Variants in CLCN3 observed in about 807,000 individuals in gnomAD.
CLCN3 encodes the protein H(+)/Cl(-) exchange transporter 3.
CLCN3 carries 16 observed loss-of-function variants against 83.4 expected under a neutral mutation model. The ratio of observed to expected loss-of-function variants is 0.19; its 90% CI spans 0.13 to 0.29. The LOEUF is 0.29. Among genes scored for constraint, CLCN3 ranks in the 10% least tolerant of loss-of-function variants. The pLI, the probability that CLCN3 is intolerant of heterozygous loss-of-function variation, is 1.00. For missense variants in CLCN3, 544 were observed against 1,006.0 expected (o/e 0.54, Z 6.21); for synonymous variants, 322 against 346.2 (o/e 0.93, Z 0.78).
At position 169,681,113 on chromosome 4, in the gene CLCN3, A is replaced by G. The variant is rs534578959; in HGVS notation, c.318+906A>G. Among the ~76,000 whole-genome samples, 54 of 152,248 alleles carry G rather than the reference A, an allele frequency of 3.5e-4. 1 individual carries two copies. The highest frequency in any genetic ancestry group is 1.2e-3 in the African/African-American group (51 of 41,546). ...GCCCAAACTGGAGTGCAGTGGTGCA[A>G]TCTTGGCTCACTGCAACCTCTGCCT... On this transcript the variant is annotated intron_variant, in intron 3 of 12. Coordinates refer to ENST00000513761, the MANE Select transcript of CLCN3 (RefSeq NM_001829.4).
intron 1 of CLCN3, among the ~76,000 whole-genome samples, chr4:169,631,226 C>A (rs1312855460): frequency 6.6e-6 from 1 of 152,088 alleles, no homozygotes; most frequent in Non-Finnish European, 1.5e-5. Flanking sequence ...TTTTCATCTG[C>A]TTGTTGGACA....
chr4:169,660,316 A>G, intron 2 of CLCN3: 1 of 1,363,928 alleles, frequency 7.3e-7, no homozygotes, highest in South Asian at 1.9e-5. Context: ...CTTTCTTTTT[A>G]AGCTAGCAAG....
At position 169,635,923 on chromosome 4, in the gene CLCN3, A is replaced by T. The variant is rs1370376925; in HGVS notation, c.-6A>T. The T allele has an allele frequency of 6.5e-7, 1 of 1,546,964 alleles. No individual in the cohort carries two copies. ...TTTTCCCCCCCACAGATAATCAGAC[A>T]GCTAAATGGAGTCTGAGCAGCTGTT... On this transcript the variant is annotated 5_prime_UTR_variant, in exon 2 of 13. Transcript: ENST00000513761.
At position 169,704,197 on chromosome 4, in the gene CLCN3, T is replaced by C; in HGVS notation, c.1750+13T>C. On this transcript the variant is annotated intron_variant, in intron 10 of 12. Coordinates refer to ENST00000513761, the MANE Select transcript of CLCN3 (RefSeq NM_001829.4). ...GCTGCATGCTTAGGTAATATGGCTG[T>C]GTCTGCCTGTGTGTGGATGTTTGCA... 1 of 1,603,356 alleles carries C rather than the reference T, an allele frequency of 6.2e-7. No individual in the cohort carries two copies. Among genetic ancestry groups the C allele is most frequent in the South Asian group, 1.1e-5 (1 of 90,520 alleles).
intron 11 of CLCN3, among the ~76,000 whole-genome samples, chr4:169,709,624 G>T (rs1183626531): frequency 1.3e-5 from 2 of 151,560 alleles, no homozygotes; most frequent in Non-Finnish European, 2.9e-5. Context: ...GGTGGAGATT[G>T]CAGTAAGCCC....
At chr4:169,656,686 A>G (rs1267887355) in intron 2 of CLCN3, among the ~76,000 whole-genome samples, 1 of 152,212 alleles carries the variant, frequency 6.6e-6, no homozygotes, top group African/African-American at 2.4e-5. Flanking sequence ...GGTTTTATTT[A>G]TAAGCATTCT....
chr4:169,644,224 T>G (rs1730505733), intron 2 of CLCN3, among the ~76,000 whole-genome samples: 1 of 152,164 alleles, frequency 6.6e-6, no homozygotes, highest in African/African-American at 2.4e-5. Flanking sequence ...TTTTGTTTTC[T>G]GCAAATTCAT....
intron 2 of CLCN3, among the ~76,000 whole-genome samples, chr4:169,665,429 A>G (rs1195916457): frequency 6.6e-6 from 1 of 152,202 alleles, no homozygotes; most frequent in Non-Finnish European, 1.5e-5. Flanking sequence ...TTATTTACCC[A>G]GTAGACATTT....
chr4:169,706,922 G>C lies in CLCN3; in HGVS notation c.1805G>C (p.Gly602Ala). The C allele has an allele frequency of 6.2e-7, 1 of 1,614,070 alleles. No individual in the cohort carries two copies. Among genetic ancestry groups the C allele is most frequent in the Non-Finnish European group, 8.5e-7 (1 of 1,179,962 alleles). Reference sequence around the variant, plus strand: ...GTGGTTATTGTTTTTGAGCTTACTGGAGGCTTGGAATATATTGTTCCCCTT... The same window carrying C: ...GTGGTTATTGTTTTTGAGCTTACTGCAGGCTTGGAATATATTGTTCCCCTT... Reference protein sequence around the residue: ...SLVVIVFELTGGLEYIVPLMA... With the variant: ...SLVVIVFELTAGLEYIVPLMA... Residue 602 changes from glycine to alanine, a missense_variant, in exon 11 of 13, where the codon GGA becomes GCA. Physicochemically the swap from Gly to Ala is moderately conservative, Grantham distance 60. Transcript: ENST00000513761.
At chr4:169,667,742 G>A (rs1731296663) in intron 2 of CLCN3, among the ~76,000 whole-genome samples, 1 of 151,116 alleles carries the variant, frequency 6.6e-6, no homozygotes, top group South Asian at 2.1e-4. Flanking sequence ...AAATTTTTAA[G>A]ACTTTTTTTT....
chr4:169,719,775 C>A, intron 12 of CLCN3, 132 bp from the exon 13 acceptor site: 1 of 648,350 alleles, frequency 1.5e-6, no homozygotes, highest in Non-Finnish European at 2.6e-6. Context: ...CAATAAAGTA[C>A]TTTTTGGAAA....
At chr4:169,623,366 G>T (rs1279140762) in intron 1 of CLCN3, among the ~76,000 whole-genome samples, 1 of 152,012 alleles carries the variant, frequency 6.6e-6, no homozygotes, top group Non-Finnish European at 1.5e-5. Context: ...GGGTTTTTTT[G>T]TCTGTTTTTA....
At chr4:169,682,781 A>G (rs1731997024) in intron 3 of CLCN3, among the ~76,000 whole-genome samples, 1 of 152,248 alleles carries the variant, frequency 6.6e-6, no homozygotes, top group East Asian at 1.9e-4. Context: ...GCAGTCAAGA[A>G]TGTAATGACT....
chr4:169,674,931 G>A (rs576821672), intron 2 of CLCN3, among the ~76,000 whole-genome samples: 100 of 152,144 alleles, frequency 6.6e-4, no homozygotes, highest in Middle Eastern at 3.4e-3. Context: ...TTGTAGAGAT[G>A]GGGTTTTGCC....
rs578037329 is a variant in CLCN3 at position 169,667,511 on chromosome 4, T to G, written c.161-12539T>G. 7.9e-5 allele frequency among the ~76,000 whole-genome samples: 12 copies of G among 152,220 alleles called. No individual in the cohort carries two copies. In the South Asian group the frequency reaches 1.5e-3, roughly 18 times the overall value. The stretch of plus-strand genomic sequence containing the variant: ...CAAAACAATCTTCTTAGTAGAGTTA[T>G]TTTTACAAGAAAGTTGCAAGCCAGT... On this transcript the variant is annotated intron_variant, in intron 2 of 12. Coordinates refer to ENST00000513761, the MANE Select transcript of CLCN3 (RefSeq NM_001829.4).
rs1039151155 is a variant in CLCN3 at position 169,697,849 on chromosome 4, T to G, written c.1563+115T>G. On this transcript the variant is annotated intron_variant, in intron 9 of 12. Coordinates refer to ENST00000513761, the MANE Select transcript of CLCN3 (RefSeq NM_001829.4). The stretch of plus-strand genomic sequence containing the variant: ...CTGAAAAAAGTACTTATCTTTTGAG[T>G]TTAATTTTAAGTAATGAAAAAGATA... 3.1e-5 allele frequency: 22 copies of G among 716,276 alleles called. No homozygotes were observed. The Admixed American group carries it at 5.4e-4, about 18-fold the overall frequency. The allele number at this position is 716,276 out of a possible 1,614,324, so 44.4% of individuals were successfully genotyped here.
At chr4:169,696,233 A>G (rs1464027862) in intron 8 of CLCN3, among the ~76,000 whole-genome samples, 1 of 152,098 alleles carries the variant, frequency 6.6e-6, no homozygotes, top group Non-Finnish European at 1.5e-5. Flanking sequence ...TTTGTTTAAA[A>G]AATTTTAATC....
rs188338595 is a variant in CLCN3 at position 169,684,017 on chromosome 4, A to G, written c.319-3641A>G. Among the ~76,000 whole-genome samples, 640 of 152,356 alleles carry G rather than the reference A, an allele frequency of 4.2e-3. 7 individuals carry two copies. The highest frequency in any genetic ancestry group is 0.036 in the South Asian group (173 of 4,826). ...CTCAGCCTCCCAAAATGTTGGGATT[A>G]CAGGTGGGAGCCACTGCGCCCGGCC... On this transcript the variant is annotated intron_variant, in intron 3 of 12. Coordinates refer to ENST00000513761, the MANE Select transcript of CLCN3 (RefSeq NM_001829.4).
chr4:169,690,490 T>G (rs768856372), intron 5 of CLCN3, 40 bp from the exon 6 acceptor site: 2 of 1,592,102 alleles, frequency 1.3e-6, no homozygotes, highest in Admixed American at 3.6e-5. Context: ...AGAGGTGCAA[T>G]GTAAATTAAA....
Sources: allele counts gnomAD v4.1 joint callset (sites outside exome capture counted in the v4.1 genomes callset), GRCh38; gene constraint gnomAD v4.1.1; transcripts MANE v1.5; gene names NCBI Gene and HGNC (gene_info 2026-07-23, HGNC 2026-07-21).